The following PID1 variants were observed in gnomAD, a reference collection of about 807,000 sequenced individuals.
The protein encoded by PID1 is phosphotyrosine interaction domain containing 1, also known as PTB-containing, cubilin and LRP1-interacting protein.
In PID1, 10 loss-of-function variants were observed where a neutral mutation model predicts 19.1. That is an observed-to-expected ratio of 0.52 (90% confidence interval 0.32 to 0.89). The LOEUF is 0.89. Ranked by LOEUF, PID1 falls within the 40% of genes least tolerant of loss-of-function variation. The pLI is 0.03. For missense variants in PID1, 248 were observed against 285.3 expected (o/e 0.87, Z 0.94); for synonymous variants, 130 against 116.0 (o/e 1.12, Z -0.78).
chr2:229,236,987 T>TACACACAAACACAC (rs1553583949), intron 1 of PID1, among the ~76,000 whole-genome samples: 160 of 107,892 alleles, frequency 1.5e-3, no homozygotes, highest in African/African-American at 5.4e-3. Context: ...TACACACACA[T>TACACACAAACACAC]ACACACACAC....
At chr2:229,216,810 T>A (rs1464388922) in intron 1 of PID1, among the ~76,000 whole-genome samples, 1 of 152,204 alleles carries the variant, frequency 6.6e-6, no homozygotes, top group East Asian at 1.9e-4. Context: ...ATGTTATTAC[T>A]GTCACTGTCC....
intron 2 of PID1, among the ~76,000 whole-genome samples, chr2:229,044,766 C>G (rs1693840193): frequency 6.6e-6 from 1 of 152,114 alleles, no homozygotes; most frequent in African/African-American, 2.4e-5. Flanking sequence ...TAGGAATTCA[C>G]AGTAACAGCC....
intron 1 of PID1, among the ~76,000 whole-genome samples, chr2:229,253,259 G>C (rs975058467): frequency 6.6e-6 from 1 of 152,190 alleles, no homozygotes; most frequent in African/African-American, 2.4e-5. Flanking sequence ...TAGGCTCAGA[G>C]ATAAGAGGGA....
At chr2:229,144,876 T>C (rs1395460663) in intron 2 of PID1, among the ~76,000 whole-genome samples, 1 of 152,038 alleles carries the variant, frequency 6.6e-6, no homozygotes, top group Non-Finnish European at 1.5e-5. Context: ...TCTGCAAGTA[T>C]TGCTTTGATA....
intron 2 of PID1, among the ~76,000 whole-genome samples, chr2:229,029,759 G>A (rs530969861): frequency 1.3e-5 from 2 of 150,082 alleles, no homozygotes; most frequent in Admixed American, 6.7e-5. Flanking sequence ...AGAATCGCTT[G>A]AAACCGGGAG....
chr2:229,097,791 A>G (rs949304095), intron 2 of PID1, among the ~76,000 whole-genome samples: 1 of 152,168 alleles, frequency 6.6e-6, no homozygotes, highest in Non-Finnish European at 1.5e-5. Flanking sequence ...CCAAAATGAT[A>G]ATGAATAGGA....
chr2:229,104,958 C>A (rs1695144976), intron 2 of PID1, among the ~76,000 whole-genome samples: 1 of 152,204 alleles, frequency 6.6e-6, no homozygotes, highest in African/African-American at 2.4e-5. Flanking sequence ...CAGACAGACA[C>A]AGACACAAAT....
chr2:229,214,994 C>T (rs111798696), intron 1 of PID1, among the ~76,000 whole-genome samples: 1 of 151,974 alleles, frequency 6.6e-6, no homozygotes, highest in African/African-American at 2.4e-5. Flanking sequence ...CTCTCCTTTC[C>T]TTAGGCTCAA....
At chr2:229,219,513 G>A (rs145288936) in intron 1 of PID1, among the ~76,000 whole-genome samples, 3 of 152,250 alleles carry the variant, frequency 2.0e-5, no homozygotes, top group East Asian at 3.9e-4. Context: ...TTATGGGAAC[G>A]ACAGTTCAAG....
intron 2 of PID1, 74 bp from the exon 3 acceptor site, chr2:229,026,182 CT>C (rs1197968491): frequency 6.3e-6 from 6 of 956,450 alleles, no homozygotes; most frequent in Non-Finnish European, 9.9e-6. Context: ...GAATGAGTAG[CT>C]GTTCCACACA....
At chr2:229,026,581 A>G (rs1296540011) in intron 2 of PID1, among the ~76,000 whole-genome samples, 1 of 152,226 alleles carries the variant, frequency 6.6e-6, no homozygotes, top group Admixed American at 6.5e-5. Context: ...AAATCTCTCA[A>G]TGTTTGATTT....
At position 229,157,802 on chromosome 2, in the gene PID1, G is replaced by A. The variant is rs146323234; in HGVS notation, c.31-1838C>T. Among the ~76,000 whole-genome samples the A allele has an allele frequency of 1.3e-4, 20 of 152,198 alleles. No homozygotes were observed. In the South Asian group the frequency reaches 1.7e-3, roughly 13 times the overall value. ...ATGGAATCCTATCACATCCTTTCCC[G>A]CTTGTATTACTTCCCTGTACAAGGC... On this transcript the variant is annotated intron_variant, in intron 1 of 2. Coordinates refer to ENST00000392055, the MANE Select transcript of PID1 (RefSeq NM_001100818.2).
At chr2:229,232,099 G>A in intron 1 of PID1, 1 of 1,489,124 alleles carries the variant, frequency 6.7e-7, no homozygotes, top group South Asian at 1.4e-5. Flanking sequence ...ATTCAAGAGG[G>A]GAGGAGCCCT....
chr2:229,199,759 C>A (rs1231134265), intron 1 of PID1, among the ~76,000 whole-genome samples: 1 of 146,944 alleles, frequency 6.8e-6, no homozygotes, highest in Non-Finnish European at 1.5e-5. Context: ...CATACACACA[C>A]ACACACACAT....
chr2:229,033,073 T>C (rs114019681), intron 2 of PID1, among the ~76,000 whole-genome samples: 2,088 of 152,296 alleles, frequency 0.014, 44 homozygotes, highest in African/African-American at 0.048. Flanking sequence ...CCGACATTTA[T>C]CCTTCTGGTT....
intron 1 of PID1, among the ~76,000 whole-genome samples, chr2:229,201,278 C>T (rs1226562676): frequency 2.0e-5 from 3 of 152,166 alleles, no homozygotes; most frequent in African/African-American, 2.4e-5. Context: ...CAAAAACTCC[C>T]GTTTTCTCCC....
intron 1 of PID1, among the ~76,000 whole-genome samples, chr2:229,190,172 A>G (rs1009081076): frequency 6.6e-6 from 1 of 152,272 alleles, no homozygotes; most frequent in African/African-American, 2.4e-5. Flanking sequence ...CGGCAACGGC[A>G]TAAATATTCC....
intron 1 of PID1, among the ~76,000 whole-genome samples, chr2:229,248,057 T>C (rs1457218804): frequency 6.6e-6 from 1 of 152,256 alleles, no homozygotes; most frequent in Non-Finnish European, 1.5e-5. Flanking sequence ...ATACAGACGC[T>C]ATTTCCCCTT....
chr2:229,089,679 A>G (rs2106217955), intron 2 of PID1, among the ~76,000 whole-genome samples: 1 of 152,298 alleles, frequency 6.6e-6, no homozygotes, highest in South Asian at 2.1e-4. Context: ...TTACCACATG[A>G]TACACTTAAT....
Sources: gnomAD v4.1 joint callset for allele counts (sites outside exome capture counted in the v4.1 genomes callset) on GRCh38, gnomAD v4.1.1 for gene constraint, MANE v1.5 for transcripts, NCBI Gene and HGNC (gene_info 2026-07-23, HGNC 2026-07-21) for gene names.